The following IQSEC1 variants were observed in gnomAD, a reference collection of about 807,000 sequenced individuals.
IQSEC1 encodes IQ motif and SEC7 domain-containing protein 1.
In IQSEC1, 31 loss-of-function variants were observed where a neutral mutation model predicts 91.0. The ratio of observed to expected loss-of-function variants is 0.34; its 90% CI spans 0.26 to 0.46. The LOEUF is 0.46. IQSEC1 is among the 20% of genes least tolerant of loss of function. IQSEC1 has a pLI of 1.00. For synonymous variants in IQSEC1, 699 were observed against 662.6 expected (o/e 1.05, Z -0.84); for missense variants, 1,388 against 1,575.6 (o/e 0.88, Z 2.02).
At position 12,924,656 on chromosome 3, in the gene IQSEC1, C is replaced by A; in HGVS notation, c.1655G>T (p.Arg552Leu). The A allele has an allele frequency of 2.5e-6, 4 of 1,610,824 alleles. No individual in the cohort carries two copies. Among genetic ancestry groups the A allele is most frequent in the Non-Finnish European group, 3.4e-6 (4 of 1,178,502 alleles). Reference sequence around the variant, plus strand: ...GATCATCTGCCGGCTGAGGCCCTTGCGCTGCAGCAGGAAGTGGGCCACCCC... The same window carrying A: ...GATCATCTGCCGGCTGAGGCCCTTGAGCTGCAGCAGGAAGTGGGCCACCCC... ...PVGVAHFLLQRKGLSRQMIGE... is the reference protein window; with the variant it reads ...PVGVAHFLLQLKGLSRQMIGE... The change falls in exon 4 of 14, where the codon CGC becomes CTC. Residue 552 changes from arginine to leucine, a missense_variant. By Grantham distance (102) the Arg-to-Leu change is moderately radical. Coordinates refer to ENST00000613206, the MANE Select transcript of IQSEC1 (RefSeq NM_001134382.3). The surrounding 1 kb of genome is among the most constrained non-coding windows in gnomAD (Gnocchi z 6.3).
chr3:13,002,928 A>G (rs1429241913), intron 1 of IQSEC1, among the ~76,000 whole-genome samples: 1 of 152,228 alleles, frequency 6.6e-6, no homozygotes, highest in East Asian at 1.9e-4. Flanking sequence ...CCATTTCTAA[A>G]AAGTTAAACA....
chr3:13,052,826 T>A lies in IQSEC1; in HGVS notation c.23+20166A>T, dbSNP rs184813282. 1.3e-3 allele frequency: 783 copies of A among 617,394 alleles called. 1 individual carries two copies. The highest frequency in any genetic ancestry group is 1.9e-3 in the Non-Finnish European group (648 of 345,140). The allele number at this position is 617,394 out of a possible 1,614,324, so 38.2% of individuals were successfully genotyped here. A position where few individuals can be genotyped will look rare whatever the true frequency, so the allele number is the denominator to read the frequency against. The stretch of plus-strand genomic sequence containing the variant: ...TGAACCCAGCCAACCAACGCGTTCA[T>A]AACATATTCAGAGAGAAAAATATAT... On this transcript the variant is annotated intron_variant, in intron 1 of 13. Coordinates refer to ENST00000613206, the MANE Select transcript of IQSEC1 (RefSeq NM_001134382.3).
At chr3:13,134,749 G>A (rs745369863) in intron 2 of IQSEC1, among the ~76,000 whole-genome samples, 2 of 152,194 alleles carry the variant, frequency 1.3e-5, no homozygotes, top group African/African-American at 4.8e-5. Flanking sequence ...GCAGCAGGGC[G>A]TTCTCAGGGC....
chr3:13,239,392 C>T (rs983786113), intron 1 of IQSEC1, among the ~76,000 whole-genome samples: 7 of 152,208 alleles, frequency 4.6e-5, no homozygotes, highest in South Asian at 4.1e-4. Flanking sequence ...TTTGGCACAC[C>T]GCCGGGCGTG....
upstream of IQSEC1, among the ~76,000 whole-genome samples, chr3:13,074,771 CTTCCTCT>C (rs1415673350): frequency 1.3e-5 from 2 of 152,208 alleles, no homozygotes; most frequent in Admixed American, 1.3e-4. Flanking sequence ...GGCCATTTCC[CTTCCTCT>C]TTCCATTCTC....
intron 2 of IQSEC1, among the ~76,000 whole-genome samples, chr3:13,126,287 T>A (rs1015330624): frequency 6.6e-5 from 10 of 152,254 alleles, no homozygotes; most frequent in African/African-American, 2.4e-4. Flanking sequence ...TGTGCATTTG[T>A]AATCTGGCTT....
chr3:13,233,128 T>C (rs1694864617), intron 1 of IQSEC1, among the ~76,000 whole-genome samples: 1 of 152,196 alleles, frequency 6.6e-6, no homozygotes, highest in Admixed American at 6.5e-5. Flanking sequence ...CAATGGTAAA[T>C]GTTACGCTGT....
rs1330071267 is a variant in IQSEC1 at position 13,008,541 on chromosome 3, C to T, written c.23+64451G>A. On this transcript the variant is annotated intron_variant, in intron 1 of 13. Coordinates refer to ENST00000613206, the MANE Select transcript of IQSEC1 (RefSeq NM_001134382.3). This position sits in a 1 kb window ranked among gnomAD's most constrained non-coding sequence, Gnocchi z 4.1. ...GTTCCCCTCCTCAGGGAGGCCCTCACTGACCACCGCCAAGTCGCTCCCCAC... is the reference window on the plus strand; with the variant it reads ...GTTCCCCTCCTCAGGGAGGCCCTCATTGACCACCGCCAAGTCGCTCCCCAC... Among the ~76,000 whole-genome samples, 2 of 152,168 alleles carry T rather than the reference C, an allele frequency of 1.3e-5. No homozygotes were observed. Among genetic ancestry groups the T allele is most frequent in the Admixed American group, 6.5e-5 (1 of 15,282 alleles).
At chr3:13,073,640 AGTCT>A (rs1330347483), upstream of IQSEC1, among the ~76,000 whole-genome samples, 2 of 152,222 alleles carry the variant, frequency 1.3e-5, no homozygotes, top group African/African-American at 4.8e-5. Context: ...GAAACCTGGA[AGTCT>A]GTTGCTAAAA....
At chr3:12,951,704 G>T (rs1699561044) in intron 1 of IQSEC1, among the ~76,000 whole-genome samples, 1 of 152,192 alleles carries the variant, frequency 6.6e-6, no homozygotes, top group African/African-American at 2.4e-5. Flanking sequence ...GCAGTAGGGT[G>T]AGGACCTCCT....
At chr3:13,128,752 C>A (rs778810496) in intron 2 of IQSEC1, among the ~76,000 whole-genome samples, 6 of 151,902 alleles carry the variant, frequency 3.9e-5, no homozygotes, top group Non-Finnish European at 5.9e-5. Flanking sequence ...TGGCGGGCAC[C>A]TGTAATCCCA....
chr3:13,148,673 A>G (rs1576272010), intron 2 of IQSEC1, among the ~76,000 whole-genome samples: 3 of 152,326 alleles, frequency 2.0e-5, no homozygotes. Flanking sequence ...CCAGGTCACC[A>G]CAGTCCCCGG....
At chr3:13,133,391 G>A (rs1706653419) in intron 2 of IQSEC1, among the ~76,000 whole-genome samples, 1 of 152,216 alleles carries the variant, frequency 6.6e-6, no homozygotes, top group African/African-American at 2.4e-5. Context: ...CCATCACCAT[G>A]CTCTGGGAAT....
Position 12,994,580 on chromosome 3 carries a change from C to G in IQSEC1, c.24-52715G>C, listed in dbSNP as rs984855400. Among the ~76,000 whole-genome samples the G allele has an allele frequency of 6.6e-6, 1 of 152,202 alleles. No individual in the cohort carries two copies. Among genetic ancestry groups the G allele is most frequent in the Admixed American group, 6.5e-5 (1 of 15,290 alleles). On this transcript the variant is annotated intron_variant, in intron 1 of 13. Coordinates refer to ENST00000613206, the MANE Select transcript of IQSEC1 (RefSeq NM_001134382.3). The surrounding 1 kb of genome is among the most constrained non-coding windows in gnomAD (Gnocchi z 4.5). ...CAAACGCACCTCAGGCCAAGTCCCC[C>G]GGCTCCTCCGAGGGAAAGCTGCAGC...
chr3:12,903,103 G>A (rs1694557531), intron 12 of IQSEC1, among the ~76,000 whole-genome samples: 1 of 152,262 alleles, frequency 6.6e-6, no homozygotes. Context: ...TCCTGGACCA[G>A]GAGTCTGTTG....
rs535991613 is a variant in IQSEC1, at chr3:13,227,644, G to A, written c.272+55067C>T. Among the ~76,000 whole-genome samples the A allele has an allele frequency of 4.6e-5, 7 of 152,056 alleles. No homozygotes were observed. The South Asian group carries it at 6.2e-4, about 14-fold the overall frequency. ...GGCTGATGGGCAGAGCAGGGGGACC[G>A]TTCTTAAGGCTACAACCAGGAGAGA... is the stretch of plus-strand genomic sequence containing the variant. On this transcript the variant is annotated intron_variant, in intron 1 of 15. Coordinates refer to the IQSEC1 transcript ENST00000648114.
intron 1 of IQSEC1, among the ~76,000 whole-genome samples, chr3:12,956,072 A>G (rs1211527292): frequency 1.3e-5 from 2 of 152,216 alleles, no homozygotes; most frequent in Non-Finnish European, 2.9e-5. Context: ...CCCTGGGTCC[A>G]TATTCCCACT....
At chr3:12,933,051 C>T (rs775754468) in intron 3 of IQSEC1, among the ~76,000 whole-genome samples, 3 of 152,358 alleles carry the variant, frequency 2.0e-5, no homozygotes, top group East Asian at 1.9e-4. Context: ...GTGCCAGGAA[C>T]GCTCACTGCT....
intron 12 of IQSEC1, among the ~76,000 whole-genome samples, chr3:12,907,756 TAAAC>T (rs1465816384): frequency 1.3e-5 from 2 of 152,086 alleles, no homozygotes; most frequent in Admixed American, 1.3e-4. Flanking sequence ...GGCAGCAAAT[TAAAC>T]ACACACAGAA....
Sources: allele counts gnomAD v4.1 joint callset (sites outside exome capture counted in the v4.1 genomes callset), GRCh38; gene constraint gnomAD v4.1.1; non-coding constraint Gnocchi (gnomAD v3.1); transcripts MANE v1.5; gene names NCBI Gene and HGNC (gene_info 2026-07-23, HGNC 2026-07-21).